RASSF3: variants seen among roughly 807,000 people sequenced by gnomAD.
RASSF3 encodes ras association domain-containing protein 3.
Under a neutral mutation model 19.9 loss-of-function variants are expected in RASSF3, and 19 were observed. The observed-to-expected ratio is 0.96, with a 90% CI of 0.67 to 1.40. The LOEUF is 1.40. RASSF3 is among the 40% of genes most tolerant of loss of function. The pLI, the probability that RASSF3 is intolerant of heterozygous loss-of-function variation, is 0.00. For synonymous variants in RASSF3, 110 were observed against 104.2 expected (o/e 1.06, Z -0.34); for missense variants, 306 against 289.8 (o/e 1.06, Z -0.41).
At chr12:64,592,922 G>A (rs985090675) in intron 2 of RASSF3, among the ~76,000 whole-genome samples, 2 of 152,040 alleles carry the variant, frequency 1.3e-5, no homozygotes, top group African/African-American at 4.8e-5. Context: ...TTACAGGCAT[G>A]AGCCACTGTG....
At chr12:64,675,965 T>A (rs1379765006) in intron 1 of RASSF3, among the ~76,000 whole-genome samples, 1 of 150,798 alleles carries the variant, frequency 6.6e-6, no homozygotes, top group African/African-American at 2.4e-5. Flanking sequence ...ATCCCAGCCC[T>A]AGAGTGGCCA....
chr12:64,578,779 T>A (rs1031205943), intron 2 of RASSF3, among the ~76,000 whole-genome samples: 11 of 152,220 alleles, frequency 7.2e-5, no homozygotes, highest in Non-Finnish European at 1.6e-4. Context: ...CCTACACTGC[T>A]GCCCAGGCAT....
intron 2 of RASSF3, among the ~76,000 whole-genome samples, chr12:64,601,124 T>A (rs1870084594): frequency 6.6e-6 from 1 of 151,016 alleles, no homozygotes; most frequent in Non-Finnish European, 1.5e-5. Flanking sequence ...CATGCCTCAA[T>A]AAATAAATAA....
At chr12:64,545,377 T>C (rs182718856), downstream of RASSF3, among the ~76,000 whole-genome samples, 3 of 152,360 alleles carry the variant, frequency 2.0e-5, no homozygotes, top group African/African-American at 7.2e-5. Flanking sequence ...TGTTTTCTTA[T>C]ATTGATTTTG....
chr12:64,691,943 G>A (rs1250725823), intron 4 of RASSF3, among the ~76,000 whole-genome samples: 2 of 152,130 alleles, frequency 1.3e-5, no homozygotes, highest in African/African-American at 2.4e-5. Flanking sequence ...CACTCACCAT[G>A]TGTTTGCTAC....
chr12:64,608,325 T>TTATA (rs1457416824), upstream of RASSF3, among the ~76,000 whole-genome samples: 6 of 152,134 alleles, frequency 3.9e-5, no homozygotes, highest in African/African-American at 1.4e-4. Context: ...TAAAGTTTAT[T>TTATA]TATTTATTTA....
chr12:64,591,300 C>T (rs954933946), intron 2 of RASSF3, among the ~76,000 whole-genome samples: 15 of 152,092 alleles, frequency 9.9e-5, no homozygotes, highest in South Asian at 2.1e-4. Context: ...CATAGTGAAA[C>T]GCCATCTCTA....
At chr12:64,647,874 T>C (rs1053016808) in intron 1 of RASSF3, among the ~76,000 whole-genome samples, 1 of 152,124 alleles carries the variant, frequency 6.6e-6, no homozygotes, top group Non-Finnish European at 1.5e-5. Context: ...TTAGGCCCTT[T>C]GAGGCTTATA....
rs190145762 is a variant in RASSF3 at position 64,605,049 on chromosome 12, C to T, written c.294+63344C>T. On this transcript the variant is annotated intron_variant, in intron 2 of 5. Transcript: ENST00000637125. ...TGCCCAGGCTGTAGTACAGTGGTGC[C>T]ATCTCGGCTCACTGCAACCTCCACC... Among the ~76,000 whole-genome samples the T allele has an allele frequency of 1.9e-3, 283 of 150,082 alleles. 3 individuals are homozygous for T. Among genetic ancestry groups the T allele is most frequent in the African/African-American group, 6.2e-3 (255 of 40,826 alleles).
At chr12:64,610,220 T>G (rs1454254109), upstream of RASSF3, among the ~76,000 whole-genome samples, 1 of 151,938 alleles carries the variant, frequency 6.6e-6, no homozygotes, top group Admixed American at 6.6e-5. Context: ...TCCGGGAGGT[T>G]GAGGAAGCGA....
intron 1 of RASSF3, among the ~76,000 whole-genome samples, chr12:64,672,739 A>G (rs894286754): frequency 6.6e-5 from 10 of 151,414 alleles, no homozygotes; most frequent in Non-Finnish European, 1.0e-4. Flanking sequence ...CTGATCCTGA[A>G]CTCCTGGGCT....
intron 2 of RASSF3, among the ~76,000 whole-genome samples, chr12:64,572,332 C>CTG (rs1441715063): frequency 2.0e-5 from 3 of 152,114 alleles, no homozygotes; most frequent in African/African-American, 4.8e-5. Context: ...AGAGAGCTTG[C>CTG]TGTCACTGGC....
intron 2 of RASSF3, among the ~76,000 whole-genome samples, chr12:64,582,691 C>G (rs1244558963): frequency 6.6e-6 from 1 of 152,122 alleles, no homozygotes; most frequent in African/African-American, 2.4e-5. Context: ...CCTCTCAACA[C>G]CCACCCTCGA....
At chr12:64,565,877 C>T (rs7957549) in intron 2 of RASSF3, among the ~76,000 whole-genome samples, 12 of 121,802 alleles carry the variant, frequency 9.9e-5, no homozygotes, top group Admixed American at 2.6e-4. Flanking sequence ...AGCGAGACTT[C>T]GTCTCAGAAA....
chr12:64,678,688 C>T (rs1294656034), intron 1 of RASSF3, among the ~76,000 whole-genome samples: 5 of 121,650 alleles, frequency 4.1e-5, no homozygotes, highest in African/African-American at 8.9e-5. Flanking sequence ...CCAAAAACCT[C>T]TTGTGGGGCT....
At chr12:64,657,113 G>A (rs1431376381) in intron 1 of RASSF3, among the ~76,000 whole-genome samples, 3 of 151,250 alleles carry the variant, frequency 2.0e-5, no homozygotes, top group Non-Finnish European at 2.9e-5. Flanking sequence ...AGGTTCAAGC[G>A]ATTTTCTCCT....
At chr12:64,679,974 A>G (rs1359581007) in intron 1 of RASSF3, among the ~76,000 whole-genome samples, 2 of 152,148 alleles carry the variant, frequency 1.3e-5, no homozygotes, top group Non-Finnish European at 2.9e-5. Flanking sequence ...ACCAGGGTTG[A>G]CACTTGGTAT....
chr12:64,512,119 T>C (rs116193820), intron 1 of RASSF3, among the ~76,000 whole-genome samples: 65 of 152,278 alleles, frequency 4.3e-4, no homozygotes, highest in African/African-American at 1.5e-3. Context: ...AGGACACCTA[T>C]GTAGATCAGA....
At chr12:64,652,987 C>T (rs1025086417) in intron 1 of RASSF3, among the ~76,000 whole-genome samples, 2 of 152,086 alleles carry the variant, frequency 1.3e-5, no homozygotes, top group African/African-American at 4.8e-5. Flanking sequence ...GGATCTGTCC[C>T]AGGCCTCTCT....
Sources: gnomAD v4.1 joint callset for allele counts (sites outside exome capture counted in the v4.1 genomes callset) on GRCh38, gnomAD v4.1.1 for gene constraint, MANE v1.5 for transcripts, NCBI Gene and HGNC (gene_info 2026-07-23, HGNC 2026-07-21) for gene names.